TMEM39A: variants seen among roughly 807,000 people sequenced by gnomAD.
The protein encoded by TMEM39A is suppressor of SQST-1 aggregates in rpl-43 mutants.
A neutral mutation model predicts 51.9 loss-of-function variants in TMEM39A; 19 were observed. The ratio of observed to expected loss-of-function variants is 0.37; its 90% CI spans 0.26 to 0.54. TMEM39A has a LOEUF of 0.54. TMEM39A is among the 20% of genes least tolerant of loss of function. TMEM39A has a pLI of 0.88. For missense variants in TMEM39A, 433 were observed against 590.5 expected (o/e 0.73, Z 2.76); for synonymous variants, 197 against 220.2 (o/e 0.89, Z 0.93).
At chr3:119,433,426 G>C (rs765093633) in intron 8 of TMEM39A, among the ~76,000 whole-genome samples, 1 of 152,126 alleles carries the variant, frequency 6.6e-6, no homozygotes, top group East Asian at 1.9e-4. Context: ...TTTATCAGCA[G>C]GTGGCCCATG....
chr3:119,439,454 A>G lies in TMEM39A; in HGVS notation c.576-1351T>C, dbSNP rs149956872. Among the ~76,000 whole-genome samples, 1,106 of 151,776 alleles carry G rather than the reference A, an allele frequency of 7.3e-3. 3 individuals are homozygous for G. Among genetic ancestry groups the G allele is most frequent in the South Asian group, 0.014 (69 of 4,802 alleles). The stretch of plus-strand genomic sequence containing the variant: ...AAATTAGCTGGGTGTGGTGGCGCGC[A>G]CCTGCAATCCCAGCTACTCGGAGGC... On this transcript the variant is annotated intron_variant, in intron 5 of 8. Coordinates refer to ENST00000319172, the MANE Select transcript of TMEM39A (RefSeq NM_018266.3).
chr3:119,436,698 C>T (rs2080972514), intron 7 of TMEM39A, 93 bp downstream of exon 7: 6 of 1,372,716 alleles, frequency 4.4e-6, no homozygotes, highest in Non-Finnish European at 6.0e-6. Flanking sequence ...ATTAAATGTT[C>T]AAAGCCAAGA....
chr3:119,435,867 CCA>C (rs1041355056), intron 7 of TMEM39A: 1 of 1,289,428 alleles, frequency 7.8e-7, no homozygotes, highest in African/African-American at 1.5e-5. Flanking sequence ...TGTCCTTTGC[CCA>C]CAGTCGGGTT....
At chr3:119,458,826 C>A (rs571770252) in intron 2 of TMEM39A, among the ~76,000 whole-genome samples, 26 of 152,152 alleles carry the variant, frequency 1.7e-4, no homozygotes, top group Non-Finnish European at 2.8e-4. Flanking sequence ...ACTTAGGAGG[C>A]GGAGGTTGTG....
Position 119,458,223 on chromosome 3 carries a change from C to G in TMEM39A, c.131G>C (p.Gly44Ala). 1.9e-6 allele frequency: 3 copies of G among 1,613,968 alleles called. No homozygotes were observed. Among genetic ancestry groups the G allele is most frequent in the Non-Finnish European group, 2.5e-6 (3 of 1,179,986 alleles). ...GGCTGTGATAGGTGGGACTGGAAGG[C>G]CAATAGCACTACCATTCCTGAAAGA... ...GLRNRNGSAI[G>A]LPVPPITALI... The change falls in exon 3 of 9, where the codon GGC (glycine) becomes GCC (alanine). Residue 44 changes from glycine to alanine, a missense_variant. Around this residue, in one of 3 missense-constraint regions of TMEM39A, gnomAD observed 170 missense variants for 239.8 expected, o/e 0.71. Coordinates refer to ENST00000319172, the MANE Select transcript of TMEM39A (RefSeq NM_018266.3).
chr3:119,436,023 C>A, intron 7 of TMEM39A: 1 of 935,342 alleles, frequency 1.1e-6, no homozygotes. Context: ...TCCCACTTAA[C>A]TAGGGAAAAA....
chr3:119,448,779 TAA>T (rs72473607), intron 4 of TMEM39A, among the ~76,000 whole-genome samples: 24,083 of 152,078 alleles, frequency 0.16, 2,485 homozygotes, highest in East Asian at 0.27. Flanking sequence ...GGGTTAGAAA[TAA>T]AAAAGACTAT....
intron 2 of TMEM39A, among the ~76,000 whole-genome samples, chr3:119,459,848 T>C (rs942271993): frequency 7.2e-5 from 11 of 152,196 alleles, no homozygotes; most frequent in African/African-American, 2.7e-4. Context: ...GAAGCAATTA[T>C]CTATTTCCCT....
intron 5 of TMEM39A, among the ~76,000 whole-genome samples, chr3:119,445,836 A>G (rs931998013): frequency 6.6e-6 from 1 of 152,178 alleles, no homozygotes; most frequent in Non-Finnish European, 1.5e-5. Context: ...AATTCTTTCA[A>G]CCTTGTTGAA....
chr3:119,436,956 C>T lies in TMEM39A; in HGVS notation c.947G>A (p.Arg316His), dbSNP rs1321882185. The T allele has an allele frequency of 1.4e-5, 23 of 1,613,354 alleles. No homozygotes were observed. The highest frequency in any genetic ancestry group is 2.2e-5 in the South Asian group (2 of 91,050). ...CATAATGAGGTGCTCACATGACCAG[C>T]GCATGTCATAGTACTGGGTACTCTG... The part of the protein sequence containing the change: ...FVKSTQYYDM[R>H]WSCEHLIMVW... The change falls in exon 7 of 9, where the codon CGC (arginine) becomes CAC (histidine). Residue 316 changes from arginine (R) to histidine (H), a missense_variant. By Grantham distance (29) the Arg-to-His change is conservative (BLOSUM62 0). Around this residue, in one of 3 missense-constraint regions of TMEM39A, gnomAD observed 223 missense variants for 328.1 expected, o/e 0.68. Transcript: ENST00000319172.
intron 7 of TMEM39A, chr3:119,435,861 C>G: frequency 1.6e-6 from 2 of 1,289,434 alleles, no homozygotes; most frequent in Non-Finnish European, 2.0e-6. Flanking sequence ...GAAATCTGTC[C>G]TTTGCCCACA....
chr3:119,441,153 T>C (rs776862072), intron 5 of TMEM39A, among the ~76,000 whole-genome samples: 15 of 152,152 alleles, frequency 9.9e-5, no homozygotes, highest in African/African-American at 1.7e-4. Flanking sequence ...CACAAGAATA[T>C]TGAAATAAGG....
intron 5 of TMEM39A, among the ~76,000 whole-genome samples, chr3:119,441,007 G>C (rs150264812): frequency 0.012 from 1,880 of 152,198 alleles, 18 homozygotes; most frequent in Non-Finnish European, 0.018. Flanking sequence ...TATTACTACT[G>C]TAATTGTTTT....
chr3:119,437,932 T>C lies in TMEM39A; in HGVS notation c.747A>G (p.Lys249=). ...DFLSLLLESL[K]EQFNNATPIP... ...TGGGTGTGGCATTATTAAACTGTTC[T>C]TTTAGCGACTCCAGCAACAAGGAGA... is the stretch of plus-strand genomic sequence containing the variant. Residue 249 remains lysine (K), a synonymous_variant, in exon 6 of 9, where the codon AAA becomes AAG. Coordinates refer to ENST00000319172, the MANE Select transcript of TMEM39A (RefSeq NM_018266.3). The C allele has an allele frequency of 6.2e-7, 1 of 1,614,104 alleles. No individual in the cohort carries two copies. The highest frequency in any genetic ancestry group is 8.5e-7 in the Non-Finnish European group (1 of 1,180,002).
intron 7 of TMEM39A, chr3:119,435,725 A>G: frequency 1.0e-6 from 1 of 1,004,878 alleles, no homozygotes; most frequent in Non-Finnish European, 1.2e-6. Context: ...CCAGTTCAGA[A>G]AATGTTCCAC....
intron 5 of TMEM39A, among the ~76,000 whole-genome samples, chr3:119,440,776 A>G (rs1286501815): frequency 1.3e-5 from 2 of 152,184 alleles, no homozygotes; most frequent in Non-Finnish European, 2.9e-5. Flanking sequence ...AACGAAGGCA[A>G]ATACAGGCAT....
intron 5 of TMEM39A, 112 bp from the exon 6 acceptor site, chr3:119,438,215 G>A: frequency 1.4e-6 from 1 of 733,382 alleles, no homozygotes; most frequent in Non-Finnish European, 2.1e-6. Context: ...GGACCCGCAG[G>A]AGTAAACATA....
At chr3:119,463,127 G>A (rs1296552719) in intron 1 of TMEM39A, among the ~76,000 whole-genome samples, 1 of 152,216 alleles carries the variant, frequency 6.6e-6, no homozygotes, top group Non-Finnish European at 1.5e-5. Flanking sequence ...CCATTAACAA[G>A]CAAAGGGAAA....
In TMEM39A at chr3:119,432,069, T is replaced by C. The variant is rs2080908781; in HGVS notation, c.1379A>G (p.Tyr460Cys). The change falls in exon 9 of 9, where the codon TAT (tyrosine) becomes TGT (cysteine). Residue 460 changes from tyrosine (Y) to cysteine (C), a missense_variant. By Grantham distance (194) the Tyr-to-Cys change is radical. This residue lies in a region of TMEM39A where 223 missense variants were observed against 328.1 expected (regional missense o/e 0.68). Transcript: ENST00000319172. ...SMALILFCNY[Y>C]VLFKLLRDRI... Reference sequence around the variant, plus strand: ...GTCCCGGAGAAGTTTAAATAAAACATAGTAGTTGCAGAAGAGGATGAGAGC... The same window carrying C: ...GTCCCGGAGAAGTTTAAATAAAACACAGTAGTTGCAGAAGAGGATGAGAGC... The C allele has an allele frequency of 6.2e-7, 1 of 1,613,084 alleles. No homozygotes were observed. Among genetic ancestry groups the C allele is most frequent in the South Asian group, 1.1e-5 (1 of 91,042 alleles).
Sources: allele counts gnomAD v4.1 joint callset (sites outside exome capture counted in the v4.1 genomes callset), GRCh38; gene constraint gnomAD v4.1.1; regional missense constraint gnomAD v4.1.1; transcripts MANE v1.5; gene names NCBI Gene and HGNC (gene_info 2026-07-23, HGNC 2026-07-21).